The following PHF20 variants were observed in gnomAD, a reference collection of about 807,000 sequenced individuals.
The protein encoded by PHF20 is glioma-expressed antigen 2.
In PHF20, 23 loss-of-function variants were observed where a neutral mutation model predicts 113.5. That is an observed-to-expected ratio of 0.20 (90% CI 0.15 to 0.29). PHF20 has a LOEUF of 0.29. PHF20 is among the 10% of genes least tolerant of loss of function. PHF20 has a pLI of 1.00. For synonymous variants in PHF20, 434 were observed against 457.3 expected, an observed-to-expected ratio of 0.95 and a Z score of 0.65; for missense variants, 943 against 1,219.6, an observed-to-expected ratio of 0.77 and a Z score of 3.38.
chr20:35,931,473 C>G (rs557356521), intron 15 of PHF20, 29 bp downstream of exon 15: 1 of 1,575,214 alleles, frequency 6.3e-7, no homozygotes, highest in African/African-American at 1.3e-5. Flanking sequence ...GTGCTGGGAG[C>G]AGTCTGTTTG....
At chr20:35,814,043 AAAATAAAT>A (rs1000855956) in intron 2 of PHF20, among the ~76,000 whole-genome samples, 5 of 151,690 alleles carry the variant, frequency 3.3e-5, no homozygotes, top group Non-Finnish European at 7.4e-5. Context: ...ATCTCTAAAT[AAAATAAAT>A]AAATAAATAA....
intron 14 of PHF20, among the ~76,000 whole-genome samples, chr20:35,930,860 A>C (rs1162364817): frequency 1.3e-5 from 2 of 152,168 alleles, no homozygotes; most frequent in African/African-American, 4.8e-5. Context: ...GACAGGAAGG[A>C]ACTGGGTCCT....
intron 5 of PHF20, among the ~76,000 whole-genome samples, chr20:35,859,796 C>T (rs768229963): frequency 2.0e-5 from 3 of 152,116 alleles, no homozygotes; most frequent in Non-Finnish European, 4.4e-5. Flanking sequence ...CTGCCCACCT[C>T]GGCCTCCCAA....
At chr20:35,836,919 C>T (rs1358977871) in intron 2 of PHF20, among the ~76,000 whole-genome samples, 4 of 152,006 alleles carry the variant, frequency 2.6e-5, no homozygotes, top group Admixed American at 6.5e-5. Context: ...ACCTGTAATC[C>T]TAGCACTTTC....
At chr20:35,857,357 C>G (rs555952843) in intron 4 of PHF20, among the ~76,000 whole-genome samples, 8 of 151,840 alleles carry the variant, frequency 5.3e-5, no homozygotes, top group Non-Finnish European at 1.0e-4. Flanking sequence ...TTAGCAGGGA[C>G]GGATCTTTAT....
chr20:35,921,477 G>C lies in PHF20; in HGVS notation c.2004+3815G>C, dbSNP rs1302069414. ...GCGGGAGGATTGCTTGAGCCCAGGA[G>C]TTCGAGACCAGCCCTGGAAACATAG... is the stretch of plus-strand genomic sequence containing the variant. On this transcript the variant is annotated intron_variant, in intron 13 of 17. Coordinates refer to ENST00000374012, the MANE Select transcript of PHF20 (RefSeq NM_016436.5). Among the ~76,000 whole-genome samples, 4 of 152,092 alleles carry C rather than the reference G, an allele frequency of 2.6e-5. No homozygotes were observed. In the East Asian group the frequency reaches 5.8e-4, roughly 22 times the overall value.
chr20:35,946,288 G>A (rs1243162669), intron 17 of PHF20, among the ~76,000 whole-genome samples: 1 of 152,070 alleles, frequency 6.6e-6, no homozygotes, highest in Non-Finnish European at 1.5e-5. Flanking sequence ...ACAAAAATTC[G>A]CCGGGCGTGG....
intron 1 of PHF20, among the ~76,000 whole-genome samples, chr20:35,791,441 GTATCTATCTATC>G (rs72192292): frequency 0.2 from 26,300 of 131,066 alleles, 2,701 homozygotes; most frequent in African/African-American, 0.23. Context: ...TACCAGAATA[GTATCTATCTATC>G]TATCTATCTA....
chr20:35,916,456 A>G (rs1336804468), intron 12 of PHF20, among the ~76,000 whole-genome samples: 3 of 152,048 alleles, frequency 2.0e-5, no homozygotes, highest in African/African-American at 7.2e-5. Context: ...CTCACTGTCT[A>G]TAGAGTTTTT....
chr20:35,938,988 C>G lies in PHF20; in HGVS notation c.2592C>G (p.Leu864=), dbSNP rs139572409. 1 of 1,614,024 alleles carries G rather than the reference C, an allele frequency of 6.2e-7. No homozygotes were observed. The highest frequency in any genetic ancestry group is 1.1e-5 in the South Asian group (1 of 91,090). ...TGGTGGAGACGAGGGGCTCTGCCCT[C>G]GACGATGCGGTCAACCCCCTCCATG... is the stretch of plus-strand genomic sequence containing the variant. The part of the protein sequence containing the change: ...KLVVETRGSA[L]DDAVNPLHEN... The change falls in exon 16 of 18, where the codon CTC becomes CTG. Residue 864 remains leucine (L), a synonymous_variant. Coordinates refer to ENST00000374012, the MANE Select transcript of PHF20 (RefSeq NM_016436.5).
chr20:35,808,855 A>C (rs1386622542), intron 2 of PHF20, among the ~76,000 whole-genome samples: 2 of 149,240 alleles, frequency 1.3e-5, no homozygotes, highest in African/African-American at 2.5e-5. Context: ...TACAGGCGTG[A>C]GCCACCGCAC....
chr20:35,819,940 C>G (rs1286479573), intron 2 of PHF20, among the ~76,000 whole-genome samples: 9 of 152,104 alleles, frequency 5.9e-5, no homozygotes, highest in Admixed American at 3.9e-4. Flanking sequence ...TATGTTATAC[C>G]TCCTTTAATC....
intron 1 of PHF20, among the ~76,000 whole-genome samples, chr20:35,780,182 A>G (rs1274422898): frequency 2.0e-5 from 3 of 151,292 alleles, no homozygotes; most frequent in Non-Finnish European, 2.9e-5. Flanking sequence ...CAGCCTGGAA[A>G]CCAGCACTGA....
chr20:35,876,378 C>G (rs1455554107), intron 9 of PHF20, among the ~76,000 whole-genome samples: 1 of 151,848 alleles, frequency 6.6e-6, no homozygotes, highest in Non-Finnish European at 1.5e-5. Flanking sequence ...CGAGACCAGC[C>G]TGGCCAACAT....
chr20:35,776,273 G>C (rs549165872), intron 1 of PHF20, among the ~76,000 whole-genome samples: 41 of 152,238 alleles, frequency 2.7e-4, no homozygotes, highest in African/African-American at 9.6e-4. Flanking sequence ...CACAGGTGTT[G>C]GAATTTCCAA....
rs11472341 is a variant in PHF20, at chr20:35,848,858, T to TAAA, written c.340+1439_340+1441dup. Among the ~76,000 whole-genome samples the TAAA allele has an allele frequency of 8.1e-3, 1,082 of 133,402 alleles. 21 individuals are homozygous for TAAA. The highest frequency in any genetic ancestry group is 0.024 in the African/African-American group (878 of 35,926). 87.5% of individuals were successfully genotyped at this position (133,402 alleles called of 152,430 possible). On this transcript the variant is annotated intron_variant, in intron 4 of 17. Transcript: ENST00000374012. The stretch of plus-strand genomic sequence containing the variant: ...GGCAGCAGAACGAGACTCTGTCTCT[T>TAAA]AAAAAAAAAAAAAAAAAGTCTTTTC...
intron 5 of PHF20, among the ~76,000 whole-genome samples, chr20:35,858,977 T>C (rs1286323349): frequency 6.6e-6 from 1 of 152,218 alleles, no homozygotes; most frequent in East Asian, 1.9e-4. Flanking sequence ...GTTATTCTTT[T>C]CTTCTCTCTG....
At chr20:35,917,730 C>T (rs2055433817) in intron 13 of PHF20, 68 bp downstream of exon 13, 47 of 1,357,296 alleles carry the variant, frequency 3.5e-5, no homozygotes, top group Non-Finnish European at 4.6e-5. Context: ...ATTTTGAGGC[C>T]AGCAACAATG....
intron 2 of PHF20, among the ~76,000 whole-genome samples, chr20:35,840,825 A>T (rs938005049): frequency 2.6e-5 from 4 of 152,020 alleles, no homozygotes; most frequent in Non-Finnish European, 4.4e-5. Context: ...GGTCTTTATG[A>T]CCTTGGCCAC....
Sources: gnomAD v4.1 joint callset for allele counts (sites outside exome capture counted in the v4.1 genomes callset) on GRCh38, gnomAD v4.1.1 for gene constraint, MANE v1.5 for transcripts, NCBI Gene and HGNC (gene_info 2026-07-23, HGNC 2026-07-21) for gene names.